Variants in PTPRN2 observed in about 807,000 individuals in gnomAD.
PTPRN2 encodes the protein protein tyrosine phosphatase receptor type N2, also known as receptor-type tyrosine-protein phosphatase N2.
In PTPRN2, 74 loss-of-function variants were observed where a neutral mutation model predicts 118.8. The ratio of observed to expected loss-of-function variants is 0.62; its 90% CI spans 0.52 to 0.76. PTPRN2 has a LOEUF of 0.76. PTPRN2 is among the 30% of genes least tolerant of loss of function. PTPRN2 has a pLI of 0.00. For missense variants in PTPRN2, 1,481 were observed against 1,394.4 expected (o/e 1.06, Z -0.99); for synonymous variants, 641 against 608.0 (o/e 1.05, Z -0.80).
intron 12 of PTPRN2, among the ~76,000 whole-genome samples, chr7:157,765,370 T>C (rs1220864707): frequency 6.8e-6 from 1 of 146,394 alleles, no homozygotes; most frequent in African/African-American, 2.5e-5. Context: ...CCATCCATCA[T>C]CCACTCTTCT....
At chr7:158,403,271 G>T (rs550082664) in intron 2 of PTPRN2, among the ~76,000 whole-genome samples, 1 of 152,346 alleles carries the variant, frequency 6.6e-6, no homozygotes, top group South Asian at 2.1e-4. Context: ...AGGAAGCCAA[G>T]TGAAAGACAC....
At chr7:158,585,874 T>A (rs1043622920) in intron 1 of PTPRN2, among the ~76,000 whole-genome samples, 17 of 152,092 alleles carry the variant, frequency 1.1e-4, no homozygotes, top group African/African-American at 4.1e-4. Flanking sequence ...AACTCTCCCA[T>A]AAGGTGACTG....
chr7:158,127,474 G>A (rs71543639), intron 9 of PTPRN2, among the ~76,000 whole-genome samples: 5 of 152,136 alleles, frequency 3.3e-5, no homozygotes, highest in East Asian at 1.9e-4. Context: ...TCTAGGTCTC[G>A]GGGCTGCCGT....
At chr7:158,026,959 G>A (rs1260888203) in intron 11 of PTPRN2, among the ~76,000 whole-genome samples, 9 of 152,212 alleles carry the variant, frequency 5.9e-5, no homozygotes, top group East Asian at 3.9e-4. Flanking sequence ...GGTGACAAAC[G>A]GTTCAAATGA....
chr7:157,956,880 A>T (rs1049679504), intron 11 of PTPRN2, among the ~76,000 whole-genome samples: 5 of 152,242 alleles, frequency 3.3e-5, no homozygotes, highest in African/African-American at 9.6e-5. Context: ...AAGTTGTTTC[A>T]ATTGCCACCA....
chr7:158,425,213 G>A (rs62479975), intron 2 of PTPRN2, among the ~76,000 whole-genome samples: 12,771 of 18,574 alleles, frequency 0.69, 5,108 homozygotes, highest in African/African-American at 0.79. Context: ...GGAAAGACGC[G>A]GTGTCCGAGT....
intron 2 of PTPRN2, among the ~76,000 whole-genome samples, chr7:158,413,828 A>T (rs1814402892): frequency 6.6e-6 from 1 of 152,196 alleles, no homozygotes; most frequent in Non-Finnish European, 1.5e-5. Context: ...TTTCAGCTCA[A>T]CCTGGGCCAC....
chr7:158,560,112 A>G (rs1183165046), intron 1 of PTPRN2, among the ~76,000 whole-genome samples: 1 of 152,172 alleles, frequency 6.6e-6, no homozygotes. Flanking sequence ...GGCTTCTTTC[A>G]CTCAGCATAA....
rs371251827 is a variant in PTPRN2 at position 157,982,090 on chromosome 7, T to C, written c.1724-83353A>G. On this transcript the variant is annotated intron_variant, in intron 11 of 22. Coordinates refer to ENST00000389418, the MANE Select transcript of PTPRN2 (RefSeq NM_002847.5). ...GGGGAATGCAGAGTGCAGGGTCCCC[T>C]CTAAACCCCGAGTCACAGAGACAAG... is the stretch of plus-strand genomic sequence containing the variant. Among the ~76,000 whole-genome samples, 340 of 77,364 alleles carry C rather than the reference T, an allele frequency of 4.4e-3. 2 individuals are homozygous for C. The Middle Eastern group carries it at 0.06, about 14-fold the overall frequency. The allele number at this position is 77,364 out of a possible 152,430, so 50.8% of individuals were successfully genotyped here. A position where few individuals can be genotyped will look rare whatever the true frequency, so the allele number is the denominator to read the frequency against.
intron 14 of PTPRN2, among the ~76,000 whole-genome samples, chr7:157,649,492 C>T (rs200586697): frequency 0.022 from 2,355 of 106,488 alleles, 6 homozygotes; most frequent in Non-Finnish European, 0.037. Flanking sequence ...TCGGACCCAT[C>T]CACTGTGCAC....
chr7:158,198,053 T>G (rs1826347628), intron 4 of PTPRN2, among the ~76,000 whole-genome samples: 1 of 152,234 alleles, frequency 6.6e-6, no homozygotes, highest in Non-Finnish European at 1.5e-5. Flanking sequence ...TAATGAAATT[T>G]CATGTTCTAT....
At chr7:158,034,986 A>T (rs1419303092) in intron 11 of PTPRN2, among the ~76,000 whole-genome samples, 1 of 152,252 alleles carries the variant, frequency 6.6e-6, no homozygotes, top group Non-Finnish European at 1.5e-5. Context: ...TGAGCAAAAC[A>T]TTAGAAAGCT....
intron 1 of PTPRN2, among the ~76,000 whole-genome samples, chr7:158,557,060 CAGGT>C (rs1827073119): frequency 6.9e-6 from 1 of 143,996 alleles, no homozygotes; most frequent in Non-Finnish European, 1.5e-5. Context: ...CACTCCCAGG[CAGGT>C]GGCTCCCGCG....
chr7:157,682,991 A>G (rs1193683592), intron 12 of PTPRN2, 54 bp from the exon 13 acceptor site: 27 of 1,419,440 alleles, frequency 1.9e-5, no homozygotes, highest in Non-Finnish European at 2.6e-5. Flanking sequence ...ATGACCTCCT[A>G]AAAACACACG....
At chr7:157,966,716 ATCTTCATCACCACCATCG>A (rs1273988662) in intron 11 of PTPRN2, among the ~76,000 whole-genome samples, 2 of 151,862 alleles carry the variant, frequency 1.3e-5, no homozygotes, top group Non-Finnish European at 2.9e-5. Context: ...CACCACCATC[ATCTTCATCACCACCATCG>A]TCTTCATTAT....
intron 12 of PTPRN2, among the ~76,000 whole-genome samples, chr7:157,849,251 G>A (rs1584861621): frequency 6.6e-6 from 1 of 152,212 alleles, no homozygotes; most frequent in African/African-American, 2.4e-5. Context: ...GGAGTTCGCG[G>A]TGCCTTTCTC....
chr7:158,331,750 C>G (rs1563152853), intron 2 of PTPRN2, among the ~76,000 whole-genome samples: 1 of 150,818 alleles, frequency 6.6e-6, no homozygotes, highest in Non-Finnish European at 1.5e-5. Context: ...GCAGACGTCA[C>G]TCAAACTCAC....
At chr7:158,080,286 C>T (rs1029487915) in intron 11 of PTPRN2, among the ~76,000 whole-genome samples, 4 of 113,550 alleles carry the variant, frequency 3.5e-5, no homozygotes, top group Non-Finnish European at 6.7e-5. Context: ...CTGCATTTTA[C>T]ACTGGGAAAA....
chr7:158,519,690 C>T (rs573417704), intron 1 of PTPRN2, among the ~76,000 whole-genome samples: 2 of 152,250 alleles, frequency 1.3e-5, no homozygotes, highest in South Asian at 4.1e-4. Context: ...GAGAAAGGGG[C>T]CCTTTTTCTC....
Sources: gnomAD v4.1 joint callset for allele counts (sites outside exome capture counted in the v4.1 genomes callset) on GRCh38, gnomAD v4.1.1 for gene constraint, MANE v1.5 for transcripts, NCBI Gene and HGNC (gene_info 2026-07-23, HGNC 2026-07-21) for gene names.